Variants in PRTFDC1 observed in about 807,000 individuals in gnomAD.
PRTFDC1 encodes phosphoribosyl transferase domain containing 1.
PRTFDC1 carries 38 observed loss-of-function variants against 34.6 expected under a neutral mutation model. The observed-to-expected ratio is 1.10, with a 90% confidence interval of 0.85 to 1.44. PRTFDC1 has a LOEUF of 1.44. Ranked by LOEUF, PRTFDC1 falls within the 40% of genes most tolerant of loss-of-function variation. The pLI, the probability that PRTFDC1 is intolerant of heterozygous loss-of-function variation, is 0.00. For synonymous variants in PRTFDC1, 93 were observed against 98.1 expected, an observed-to-expected ratio of 0.95 and a Z score of 0.31; for missense variants, 270 against 283.0, an observed-to-expected ratio of 0.95 and a Z score of 0.33.
intron 3 of PRTFDC1, among the ~76,000 whole-genome samples, chr10:24,907,324 GTGGC>G (rs1372760069): frequency 5.9e-5 from 9 of 152,238 alleles, no homozygotes; most frequent in Non-Finnish European, 1.3e-4. Context: ...GCTGGGTGTG[GTGGC>G]TCATGCCTGT....
At chr10:24,908,522 G>A (rs1203076040) in intron 3 of PRTFDC1, 1 of 1,612,540 alleles carries the variant, frequency 6.2e-7, no homozygotes, top group East Asian at 2.2e-5. Context: ...CTCTGATCTT[G>A]GTAACTGAAA....
intron 3 of PRTFDC1, among the ~76,000 whole-genome samples, chr10:24,881,934 C>T (rs112910939): frequency 2.7e-4 from 41 of 152,034 alleles, no homozygotes; most frequent in African/African-American, 8.9e-4. Context: ...TTGCGGGGCA[C>T]GGTGGCTCAT....
chr10:24,869,018 C>T (rs1287089043), intron 4 of PRTFDC1, among the ~76,000 whole-genome samples: 2 of 152,134 alleles, frequency 1.3e-5, no homozygotes, highest in African/African-American at 4.8e-5. Context: ...CCTTGACTGT[C>T]TATTATTGCT....
At chr10:24,929,886 C>G (rs1848945158) in intron 3 of PRTFDC1, among the ~76,000 whole-genome samples, 1 of 152,200 alleles carries the variant, frequency 6.6e-6, no homozygotes, top group African/African-American at 2.4e-5. Flanking sequence ...AGGCCTCCCA[C>G]TTCCACCCTG....
intron 3 of PRTFDC1, among the ~76,000 whole-genome samples, chr10:24,874,460 A>G (rs1847927709): frequency 6.6e-6 from 1 of 152,174 alleles, no homozygotes; most frequent in Admixed American, 6.6e-5. Flanking sequence ...AGCAGCAGGA[A>G]AAATAAAATT....
intron 3 of PRTFDC1, among the ~76,000 whole-genome samples, chr10:24,914,382 A>G (rs1157775657): frequency 6.6e-6 from 1 of 152,206 alleles, no homozygotes; most frequent in Non-Finnish European, 1.5e-5. Flanking sequence ...TATTTTGTGA[A>G]CTAGGGAGAA....
chr10:24,951,595 G>A, intron 1 of PRTFDC1: 1 of 985,366 alleles, frequency 1.0e-6, no homozygotes, highest in Non-Finnish European at 1.2e-6. Context: ...ATCTGTGAAT[G>A]ACAAGCTGAT....
chr10:24,873,034 C>A (rs1055105292), intron 3 of PRTFDC1, among the ~76,000 whole-genome samples: 2 of 151,610 alleles, frequency 1.3e-5, no homozygotes, highest in Non-Finnish European at 2.9e-5. Flanking sequence ...CTATGTTGTC[C>A]AGACTGGTCT....
At chr10:24,856,851 A>C in intron 6 of PRTFDC1, 62 bp downstream of exon 6, 1 of 1,376,162 alleles carries the variant, frequency 7.3e-7, no homozygotes, top group South Asian at 1.2e-5. Flanking sequence ...ATCCTGTGTT[A>C]GCATCCCTTT....
At chr10:24,922,918 G>A (rs1342627643) in intron 3 of PRTFDC1, among the ~76,000 whole-genome samples, 2 of 152,200 alleles carry the variant, frequency 1.3e-5, no homozygotes, top group Admixed American at 1.3e-4. Flanking sequence ...GACTGTACCT[G>A]GAGGAACCGT....
chr10:24,922,493 T>G (rs530166318), intron 3 of PRTFDC1, among the ~76,000 whole-genome samples: 2 of 152,216 alleles, frequency 1.3e-5, no homozygotes, highest in Non-Finnish European at 2.9e-5. Context: ...CATGCTGTTC[T>G]CATGATAGTG....
At chr10:24,859,309 G>C (rs1180071789) in intron 4 of PRTFDC1, among the ~76,000 whole-genome samples, 1 of 152,132 alleles carries the variant, frequency 6.6e-6, no homozygotes, top group Non-Finnish European at 1.5e-5. Flanking sequence ...ACCCAGGCTG[G>C]AGTGCAGTAG....
chr10:24,894,975 A>T lies in PRTFDC1; in HGVS notation c.340-22912T>A, dbSNP rs112258897. Among the ~76,000 whole-genome samples, 306 of 152,284 alleles carry T rather than the reference A, an allele frequency of 2.0e-3. 2 individuals are homozygous for T. The highest frequency in any genetic ancestry group is 6.4e-3 in the African/African-American group (267 of 41,564). On this transcript the variant is annotated intron_variant, in intron 3 of 8. Transcript: ENST00000320152. Reference sequence around the variant, plus strand: ...GGTTAAACTCAAAGAGAGACAGAGAAGCCGAGTGGTTCATGAAAGAAAACC... The same window carrying T: ...GGTTAAACTCAAAGAGAGACAGAGATGCCGAGTGGTTCATGAAAGAAAACC...
intron 3 of PRTFDC1, among the ~76,000 whole-genome samples, chr10:24,886,591 G>C (rs1255693836): frequency 6.6e-6 from 1 of 152,180 alleles, no homozygotes; most frequent in African/African-American, 2.4e-5. Context: ...GTGGGGTGGG[G>C]CCTAAGAGTC....
intron 1 of PRTFDC1, among the ~76,000 whole-genome samples, chr10:24,950,059 C>A (rs1255301495): frequency 6.6e-6 from 1 of 152,116 alleles, no homozygotes; most frequent in Non-Finnish European, 1.5e-5. Context: ...ACCCCTCTCA[C>A]TACCTCTTTG....
At chr10:24,946,016 G>T (rs552274656) in intron 1 of PRTFDC1, among the ~76,000 whole-genome samples, 10 of 152,256 alleles carry the variant, frequency 6.6e-5, no homozygotes, top group African/African-American at 2.4e-4. Flanking sequence ...GCCCCAGGGG[G>T]ATCATCCAGG....
intron 3 of PRTFDC1, among the ~76,000 whole-genome samples, chr10:24,884,871 C>T (rs1848138925): frequency 6.6e-6 from 1 of 152,168 alleles, no homozygotes; most frequent in South Asian, 2.1e-4. Flanking sequence ...AAGGTATAGT[C>T]TTGGAGGCAT....
At chr10:24,909,994 TA>T (rs1189931692) in intron 3 of PRTFDC1, among the ~76,000 whole-genome samples, 17 of 66,818 alleles carry the variant, frequency 2.5e-4, no homozygotes, top group Admixed American at 1.0e-3. Context: ...CTATTAAAAA[TA>T]CAAAAAAAAA....
intron 3 of PRTFDC1, among the ~76,000 whole-genome samples, chr10:24,895,721 A>ATATC (rs1341905562): frequency 1.4e-5 from 2 of 139,790 alleles, no homozygotes; most frequent in East Asian, 4.1e-4. Flanking sequence ...ATATATATAT[A>ATATC]TATATATCTG....
Sources: gnomAD v4.1 joint callset for allele counts (sites outside exome capture counted in the v4.1 genomes callset) on GRCh38, gnomAD v4.1.1 for gene constraint, MANE v1.5 for transcripts, NCBI Gene and HGNC (gene_info 2026-07-23, HGNC 2026-07-21) for gene names.